Variants in LEKR1 observed in about 807,000 individuals in gnomAD.
LEKR1 encodes leucine, glutamate and lysine rich 1, also known as protein LEKR1.
LEKR1 carries 59 observed loss-of-function variants against 72.4 expected under a neutral mutation model. That is an observed-to-expected ratio of 0.82 (90% CI 0.66 to 1.01). LEKR1 has a LOEUF of 1.01. Ranked by LOEUF, LEKR1 falls within the 50% of genes least tolerant of loss-of-function variation. LEKR1 has a pLI of 0.00. For synonymous variants in LEKR1, 257 were observed against 263.2 expected, an observed-to-expected ratio of 0.98 and a Z score of 0.23; for missense variants, 728 against 759.2, an observed-to-expected ratio of 0.96 and a Z score of 0.48.
chr3:156,969,688 G>T (rs1012457166), intron 6 of LEKR1, among the ~76,000 whole-genome samples: 10 of 152,134 alleles, frequency 6.6e-5, no homozygotes, highest in Non-Finnish European at 1.3e-4. Context: ...AATTCTACCA[G>T]AGGTACAAGG....
At chr3:156,922,472 T>C (rs1395364832) in intron 4 of LEKR1, among the ~76,000 whole-genome samples, 2 of 152,030 alleles carry the variant, frequency 1.3e-5, no homozygotes, top group African/African-American at 4.8e-5. Context: ...GATATAATCA[T>C]CTTTATTTAT....
At chr3:156,988,914 C>T (rs765567781) in intron 7 of LEKR1, among the ~76,000 whole-genome samples, 1 of 152,144 alleles carries the variant, frequency 6.6e-6, no homozygotes, top group African/African-American at 2.4e-5. Context: ...TCATTGCAAC[C>T]TCCGCCTCCC....
intron 3 of LEKR1, among the ~76,000 whole-genome samples, chr3:156,879,766 C>T (rs1196845131): frequency 1.3e-5 from 2 of 152,194 alleles, no homozygotes; most frequent in African/African-American, 2.4e-5. Flanking sequence ...GTGTCCTAGA[C>T]ACACTAGCCA....
intron 9 of LEKR1, among the ~76,000 whole-genome samples, chr3:156,999,643 T>G (rs995331730): frequency 1.3e-5 from 2 of 152,184 alleles, no homozygotes; most frequent in East Asian, 1.9e-4. Context: ...GGATTCACTT[T>G]TCTTGCATAA....
chr3:156,885,776 C>A (rs546875104), intron 3 of LEKR1, among the ~76,000 whole-genome samples: 4,846 of 152,340 alleles, frequency 0.032, 116 homozygotes, highest in Non-Finnish European at 0.047. Flanking sequence ...CACATGGATA[C>A]ACTCAGGACC....
intron 3 of LEKR1, among the ~76,000 whole-genome samples, chr3:156,876,731 T>C (rs1718636286): frequency 6.6e-6 from 1 of 152,198 alleles, no homozygotes; most frequent in Non-Finnish European, 1.5e-5. Flanking sequence ...GATGAGTCTT[T>C]AGGGTTTTCT....
intron 6 of LEKR1, among the ~76,000 whole-genome samples, chr3:156,969,880 A>G (rs1003275438): frequency 1.3e-5 from 2 of 152,236 alleles, no homozygotes; most frequent in African/African-American, 4.8e-5. Flanking sequence ...TCAGTAAAAT[A>G]CTGGCAAACC....
chr3:156,827,384 C>A (rs761687219), intron 1 of LEKR1, among the ~76,000 whole-genome samples: 54 of 152,162 alleles, frequency 3.5e-4, no homozygotes, highest in Non-Finnish European at 7.1e-4. Flanking sequence ...CGTTATGGAG[C>A]TGTGCATTAC....
chr3:156,899,797 T>C (rs1023568935), intron 3 of LEKR1, among the ~76,000 whole-genome samples: 3 of 150,196 alleles, frequency 2.0e-5, no homozygotes, highest in Non-Finnish European at 4.4e-5. Context: ...CATATATACA[T>C]GTATATATAC....
intron 5 of LEKR1, among the ~76,000 whole-genome samples, chr3:156,936,820 T>C (rs1725757197): frequency 6.6e-6 from 1 of 152,108 alleles, no homozygotes; most frequent in Non-Finnish European, 1.5e-5. Context: ...GTGCACACTT[T>C]TACAAAAACT....
intron 12 of LEKR1, among the ~76,000 whole-genome samples, chr3:157,042,317 A>C (rs1450002137): frequency 6.6e-6 from 1 of 152,232 alleles, no homozygotes; most frequent in African/African-American, 2.4e-5. Context: ...GATGAGTTGC[A>C]GAGCAGCGGG....
intron 12 of LEKR1, among the ~76,000 whole-genome samples, chr3:157,043,469 G>A (rs1474600879): frequency 2.0e-5 from 3 of 147,528 alleles, no homozygotes; most frequent in African/African-American, 7.5e-5. Context: ...TTTTTTTTCA[G>A]TGTCCTGGGA....
chr3:156,982,942 T>C (rs947462637), intron 7 of LEKR1, among the ~76,000 whole-genome samples: 6 of 151,780 alleles, frequency 4.0e-5, no homozygotes, highest in African/African-American at 1.5e-4. Flanking sequence ...TAGAGAAAGG[T>C]CTCCAGCACC....
intron 2 of LEKR1, among the ~76,000 whole-genome samples, chr3:156,841,306 T>G (rs558918993): frequency 2.3e-4 from 35 of 152,362 alleles, no homozygotes; most frequent in Non-Finnish European, 4.1e-4. Context: ...ACAACTTCAG[T>G]GTTTTGAAAA....
At chr3:156,942,496 T>G (rs1726300048) in intron 5 of LEKR1, 33 bp from the exon 6 acceptor site, 1 of 722,204 alleles carries the variant, frequency 1.4e-6, no homozygotes, top group African/African-American at 2.0e-5. Context: ...ATTCAATTAT[T>G]GGCTATTTGT....
chr3:157,027,299 GCT>G (rs2108036260), intron 11 of LEKR1, among the ~76,000 whole-genome samples: 1 of 151,828 alleles, frequency 6.6e-6, no homozygotes, highest in South Asian at 2.1e-4. Flanking sequence ...ACCACAGAAA[GCT>G]CTGTTGGGCA....
At position 157,045,618 on chromosome 3, in the gene LEKR1, T is replaced by C. The variant is rs1444291100; in HGVS notation, c.1947T>C (p.Asp649=). The C allele has an allele frequency of 2.5e-6, 4 of 1,614,058 alleles. No homozygotes were observed. In the African/African-American group the frequency reaches 4.0e-5, roughly 16 times the overall value. Residue 649 remains aspartate, a synonymous_variant, in exon 13 of 13, where the codon GAT becomes GAC. Coordinates refer to ENST00000356539, the MANE Select transcript of LEKR1 (RefSeq NM_001004316.3). ...VSKPTTFPTS[D]KPKRVRSGVP... Reference sequence around the variant, plus strand: ...AACCCACCACTTTCCCAACCTCAGATAAGCCGAAGAGGGTTAGATCAGGCG... The same window carrying C: ...AACCCACCACTTTCCCAACCTCAGACAAGCCGAAGAGGGTTAGATCAGGCG...
intron 12 of LEKR1, among the ~76,000 whole-genome samples, chr3:157,045,070 A>G (rs1462761248): frequency 1.3e-5 from 2 of 152,208 alleles, no homozygotes; most frequent in African/African-American, 2.4e-5. Context: ...ACATCTGAGT[A>G]ACCCTGGACA....
At chr3:156,844,906 G>GTTTTT (rs3060734) in intron 2 of LEKR1, among the ~76,000 whole-genome samples, 4 of 143,536 alleles carry the variant, frequency 2.8e-5, no homozygotes, top group Non-Finnish European at 6.1e-5. Context: ...GTAACTACAG[G>GTTTTT]TTTTTTTTTT....
Sources: gnomAD v4.1 joint callset for allele counts (sites outside exome capture counted in the v4.1 genomes callset) on GRCh38, gnomAD v4.1.1 for gene constraint, MANE v1.5 for transcripts, NCBI Gene and HGNC (gene_info 2026-07-23, HGNC 2026-07-21) for gene names.